The following SLC13A5 variants were observed in gnomAD, a reference collection of about 807,000 sequenced individuals.
The protein encoded by SLC13A5 is solute carrier family 13 member 5, also known as Na(+)/citrate cotransporter.
A neutral mutation model predicts 56.5 loss-of-function variants in SLC13A5; 25 were observed. That is an observed-to-expected ratio of 0.44 (90% CI 0.32 to 0.62). The LOEUF (loss-of-function observed/expected upper bound fraction) is 0.62, where lower values mean the gene tolerates loss of function less well. Among genes scored for constraint, SLC13A5 ranks in the 20% least tolerant of loss-of-function variants. The pLI, the probability that SLC13A5 is intolerant of heterozygous loss-of-function variation, is 0.04. For missense variants in SLC13A5, 649 were observed against 737.8 expected, an observed-to-expected ratio of 0.88 and a Z score of 1.39; for synonymous variants, 307 against 301.5, an observed-to-expected ratio of 1.02 and a Z score of -0.19.
At position 6,711,009 on chromosome 17, in the gene SLC13A5, G is replaced by A. The variant is rs1230606718; in HGVS notation, c.102+2223C>T. Among the ~76,000 whole-genome samples, 2 of 152,004 alleles carry A rather than the reference G, an allele frequency of 1.3e-5. No homozygotes were observed. The highest frequency in any genetic ancestry group is 2.4e-5 in the African/African-American group (1 of 41,386). On this transcript the variant is annotated intron_variant, in intron 1 of 11. Coordinates refer to ENST00000433363, the MANE Select transcript of SLC13A5 (RefSeq NM_177550.5). The surrounding 1 kb of genome is among the most constrained non-coding windows in gnomAD (Gnocchi z 4.0). ...CCAGAGGAAGGATAGAGAGAGTGGA[G>A]CAGAGATGAGGCCAGGAGGGAATCC... is the stretch of plus-strand genomic sequence containing the variant.
intron 10 of SLC13A5, 28 bp downstream of exon 10, chr17:6,690,751 G>T: frequency 1.2e-6 from 2 of 1,614,118 alleles, no homozygotes; most frequent in Middle Eastern, 1.6e-4. Flanking sequence ...GAAATGGAAG[G>T]GCTCCTCCCC....
chr17:6,703,059 G>GGTCATGGCC lies in SLC13A5; in HGVS notation c.618_626dup (p.Ala207_Thr209dup), dbSNP rs1490001751. 1.2e-6 allele frequency: 2 copies of GGTCATGGCC among 1,614,214 alleles called. No homozygotes were observed. Among genetic ancestry groups the GGTCATGGCC allele is most frequent in the Admixed American group, 1.7e-5 (1 of 60,034 alleles). On this transcript the variant is annotated inframe_insertion, in exon 5 of 12. Coordinates refer to ENST00000433363, the MANE Select transcript of SLC13A5 (RefSeq NM_177550.5). ...TGCTGGCCGCGTAGCAGATGCACAG[G>GGTCATGGCC]GTCATGGCCTTACACAACCTCTTCC...
intron 10 of SLC13A5, chr17:6,689,240 G>C (rs1403178714): frequency 6.6e-6 from 1 of 152,240 alleles, no homozygotes; most frequent in Non-Finnish European, 1.5e-5. Flanking sequence ...GAACCACTGA[G>C]GGGTCCCACG....
At chr17:6,708,595 A>G (rs1006337755) in intron 1 of SLC13A5, among the ~76,000 whole-genome samples, 2 of 152,276 alleles carry the variant, frequency 1.3e-5, no homozygotes, top group Admixed American at 1.3e-4. Context: ...AATAAAGACC[A>G]AAACACTTCC....
At chr17:6,696,950 C>T (rs1973578801) in intron 6 of SLC13A5, among the ~76,000 whole-genome samples, 1 of 152,070 alleles carries the variant, frequency 6.6e-6, no homozygotes, top group Admixed American at 6.5e-5. Context: ...GGTGGCTTGG[C>T]CTGGAACATG....
chr17:6,700,946 C>A lies in SLC13A5; in HGVS notation c.839+58G>T, dbSNP rs1270396129. ...AACCTGCCTATTGAGTCTGAGGGCT[C>A]TTCTGCAGCTTTGAGGCATAATTAG... is the stretch of plus-strand genomic sequence containing the variant. On this transcript the variant is annotated intron_variant, in intron 6 of 11. Coordinates refer to ENST00000433363, the MANE Select transcript of SLC13A5 (RefSeq NM_177550.5). 6.2e-6 allele frequency: 10 copies of A among 1,608,218 alleles called. No individual in the cohort carries two copies. In the African/African-American group the frequency reaches 1.1e-4, roughly 17 times the overall value.
At chr17:6,707,985 TG>T (rs1372095606) in intron 1 of SLC13A5, among the ~76,000 whole-genome samples, 6 of 152,220 alleles carry the variant, frequency 3.9e-5, no homozygotes, top group African/African-American at 1.4e-4. Flanking sequence ...TTTGTGTGTG[TG>T]TGTGTGACAG....
At position 6,701,720 on chromosome 17, in the gene SLC13A5, A is replaced by C. The variant is rs1031442843; in HGVS notation, c.717-594T>G. Among the ~76,000 whole-genome samples the C allele has an allele frequency of 5.9e-5, 9 of 152,240 alleles. No homozygotes were observed. The highest frequency in any genetic ancestry group is 3.3e-4 in the Admixed American group (5 of 15,286). ...GCGAGACTTGTCTCAAAAAGAAAAA[A>C]AAGAAAAATACACCTTTTATACACA... On this transcript the variant is annotated intron_variant, in intron 5 of 11. Transcript: ENST00000433363. The surrounding 1 kb of genome is among the most constrained non-coding windows in gnomAD (Gnocchi z 4.1).
chr17:6,690,212 A>T (rs1973368821), intron 10 of SLC13A5: 1 of 156,396 alleles, frequency 6.4e-6, no homozygotes, highest in Non-Finnish European at 1.4e-5. Flanking sequence ...CCCACAACCG[A>T]CAGCTACCTC....
In SLC13A5 at chr17:6,711,993, C is replaced by G. The variant is rs972331647; in HGVS notation, c.102+1239G>C. Among the ~76,000 whole-genome samples the G allele has an allele frequency of 1.3e-5, 2 of 152,154 alleles. No individual in the cohort carries two copies. The highest frequency in any genetic ancestry group is 6.5e-5 in the Admixed American group (1 of 15,278). On this transcript the variant is annotated intron_variant, in intron 1 of 11. Coordinates refer to ENST00000433363, the MANE Select transcript of SLC13A5 (RefSeq NM_177550.5). The surrounding 1 kb of genome is among the most constrained non-coding windows in gnomAD (Gnocchi z 4.0). ...CCCACCCAAGGGCTCCTCCCAGTCTCCCCCTCCCCCATCCTAGGAACTAAC... is the reference window on the plus strand; with the variant it reads ...CCCACCCAAGGGCTCCTCCCAGTCTGCCCCTCCCCCATCCTAGGAACTAAC...
At position 6,687,636 on chromosome 17, in the gene SLC13A5, T is replaced by C. The variant is rs2150961827; in HGVS notation, c.1468A>G (p.Ile490Val). 6.2e-7 allele frequency: 1 copy of C among 1,609,588 alleles called. No individual in the cohort carries two copies. The highest frequency in any genetic ancestry group is 8.5e-7 in the Non-Finnish European group (1 of 1,178,366). The stretch of plus-strand genomic sequence containing the variant: ...GCACTCAGGGTACAGGGCAGCATGA[T>C]GTACAGCGGATTGAGGCCGATGGAG... ...SRSIGLNPLY[I>V]MLPCTLSASF... is the part of the protein sequence containing the mutation. The change falls in exon 11 of 12, where the codon ATC (isoleucine) becomes GTC (valine). Residue 490 changes from isoleucine (I) to valine (V), a missense_variant. By Grantham distance (29) the Ile-to-Val change is conservative. Coordinates refer to ENST00000433363, the MANE Select transcript of SLC13A5 (RefSeq NM_177550.5). The surrounding 1 kb of genome is among the most constrained non-coding windows in gnomAD (Gnocchi z 5.0).
Position 6,713,115 on chromosome 17 carries a change from G to A in SLC13A5, c.102+117C>T. On this transcript the variant is annotated intron_variant, in intron 1 of 11. Transcript: ENST00000433363. The surrounding 1 kb of genome is among the most constrained non-coding windows in gnomAD (Gnocchi z 7.3). ...GGAGCTCCTGAGTGCGCGCGCCCCG[G>A]GAGAGCTGTGCTCCCCGCGAAATCC... is the stretch of plus-strand genomic sequence containing the variant. The A allele has an allele frequency of 9.7e-7, 1 of 1,033,608 alleles. No homozygotes were observed. The highest frequency in any genetic ancestry group is 1.4e-6 in the Non-Finnish European group (1 of 698,736). 64.0% of individuals were successfully genotyped at this position (1,033,608 alleles called of 1,614,324 possible).
chr17:6,694,164 C>G lies in SLC13A5; in HGVS notation c.1089G>C (p.Val363=). Residue 363 remains valine (V), a synonymous_variant, in exon 8 of 12, where the codon GTG becomes GTC. Coordinates refer to ENST00000433363, the MANE Select transcript of SLC13A5 (RefSeq NM_177550.5). The part of the protein sequence containing the change: ...YVSDATVAIF[V]ATLLFIVPSQ... ...AAGGCACAATGAATAGCAGGGTGGC[C>G]ACAAAGATGGCCACAGTGGCATCGG... is the stretch of plus-strand genomic sequence containing the variant. 6.2e-7 allele frequency: 1 copy of G among 1,613,260 alleles called. No homozygotes were observed. The highest frequency in any genetic ancestry group is 1.1e-5 in the South Asian group (1 of 90,892).
Position 6,707,170 on chromosome 17 carries a change from C to T in SLC13A5, c.103-14G>A, listed in dbSNP as rs755556256. The T allele has an allele frequency of 6.2e-7, 1 of 1,613,208 alleles. No homozygotes were observed. The highest frequency in any genetic ancestry group is 1.7e-5 in the Admixed American group (1 of 59,982). Reference sequence around the variant, plus strand: ...ACACCTGACAAACTGAAGAGACAGTCCTGAGGCCTCAGCGTGTTGCCGCCT... The same window carrying T: ...ACACCTGACAAACTGAAGAGACAGTTCTGAGGCCTCAGCGTGTTGCCGCCT... On this transcript the variant is annotated splice_polypyrimidine_tract_variant and intron_variant, in intron 1 of 11. Transcript: ENST00000433363.
intron 3 of SLC13A5, 98 bp downstream of exon 3, chr17:6,706,544 C>A: frequency 8.6e-6 from 13 of 1,504,874 alleles, no homozygotes; most frequent in Non-Finnish European, 1.2e-5. Context: ...CATGGCCAGC[C>A]CTCACCAGTG....
At chr17:6,691,673 T>A (rs905022280) in intron 9 of SLC13A5, among the ~76,000 whole-genome samples, 4 of 152,144 alleles carry the variant, frequency 2.6e-5, no homozygotes, top group Non-Finnish European at 5.9e-5. Flanking sequence ...GGAGAGAATG[T>A]CCACAGAGTC....
intron 1 of SLC13A5, among the ~76,000 whole-genome samples, chr17:6,710,787 T>C (rs1360354257): frequency 1.3e-5 from 2 of 151,810 alleles, no homozygotes; most frequent in Admixed American, 6.6e-5. Context: ...TGTGTGTGTG[T>C]CTGGGAAGAG....
chr17:6,693,113 G>A lies in SLC13A5; in HGVS notation c.1206C>T (p.Thr402=), dbSNP rs143869456. 3.2e-5 allele frequency: 52 copies of A among 1,609,256 alleles called. No homozygotes were observed. Among genetic ancestry groups the A allele is most frequent in the Non-Finnish European group, 7.6e-6 (9 of 1,178,038 alleles). Residue 402 remains threonine (T), a synonymous_variant, in exon 9 of 12, where the codon ACC becomes ACT. Coordinates refer to ENST00000433363, the MANE Select transcript of SLC13A5 (RefSeq NM_177550.5). ...CGATGCCCCAGGGCACTTTCTCCTG[G>A]GTTACCTTCCAATCCAGCAGGGGAG... The part of the protein sequence containing the change: ...YPPPLLDWKV[T]QEKVPWGIVL...
chr17:6,698,449 T>C (rs1299629785), intron 6 of SLC13A5, among the ~76,000 whole-genome samples: 1 of 152,222 alleles, frequency 6.6e-6, no homozygotes, highest in African/African-American at 2.4e-5. Context: ...CTCCCTCCTC[T>C]TTCTCAGTAG....
Sources: gnomAD v4.1 joint callset for allele counts (sites outside exome capture counted in the v4.1 genomes callset) on GRCh38, gnomAD v4.1.1 for gene constraint, Gnocchi (gnomAD v3.1) non-coding constraint, MANE v1.5 for transcripts, NCBI Gene and HGNC (gene_info 2026-07-23, HGNC 2026-07-21) for gene names.